The following OSGEPL1 variants were observed in gnomAD, a reference collection of about 807,000 sequenced individuals.
OSGEPL1 encodes O-sialoglycoprotein endopeptidase like 1.
OSGEPL1 carries 26 observed loss-of-function variants against 37.2 expected under a neutral mutation model. That is an observed-to-expected ratio of 0.70 (90% CI 0.51 to 0.97). OSGEPL1 has a LOEUF of 0.97. OSGEPL1 is among the 50% of genes least tolerant of loss of function. The pLI, the probability that OSGEPL1 is intolerant of heterozygous loss-of-function variation, is 0.00. For synonymous variants in OSGEPL1, 140 were observed against 159.9 expected (o/e 0.88, Z 0.94); for missense variants, 404 against 487.0 (o/e 0.83, Z 1.60).
intron 8 of OSGEPL1, among the ~76,000 whole-genome samples, chr2:189,748,477 G>A (rs2044520168): frequency 6.6e-6 from 1 of 152,146 alleles, no homozygotes; most frequent in African/African-American, 2.4e-5. Flanking sequence ...TCCTCCCTTG[G>A]CCTCCCAAAG....
rs1353138625 is a variant in OSGEPL1 at position 189,759,762 on chromosome 2, TA to T, written c.221+1657del. Among the ~76,000 whole-genome samples the T allele has an allele frequency of 3.3e-5, 5 of 152,114 alleles. No individual in the cohort carries two copies. In the East Asian group the frequency reaches 5.8e-4, roughly 18 times the overall value. On this transcript the variant is annotated intron_variant, in intron 2 of 8. Coordinates refer to ENST00000264151, the MANE Select transcript of OSGEPL1 (RefSeq NM_022353.3). ...TTTTATTCTTATTTATTTATTTATT[TA>T]TTTTTTTAGTATTTATTGATCATTC...
intron 2 of OSGEPL1, 37 bp downstream of exon 2, chr2:189,761,383 C>G: frequency 6.4e-7 from 1 of 1,553,268 alleles, no homozygotes; most frequent in Non-Finnish European, 8.7e-7. Context: ...TTACTTTTTC[C>G]AAAAAAGTGG....
chr2:189,750,038 G>T (rs1490663373), intron 8 of OSGEPL1, among the ~76,000 whole-genome samples: 1 of 152,080 alleles, frequency 6.6e-6, no homozygotes, highest in South Asian at 2.1e-4. Context: ...CAGGAGAATC[G>T]CTTGAACCCA....
At chr2:189,754,478 AAT>A in intron 3 of OSGEPL1, 133 bp from the exon 4 acceptor site, 1 of 802,860 alleles carries the variant, frequency 1.2e-6, no homozygotes, top group Non-Finnish European at 1.9e-6. Context: ...TACTTTGGCA[AAT>A]ATAGACTATA....
chr2:189,763,038 TAAAAAG>T, upstream of OSGEPL1: 1 of 985,244 alleles, frequency 1.0e-6, no homozygotes, highest in Non-Finnish European at 1.2e-6. Flanking sequence ...TAAGCTACAT[TAAAAAG>T]AAATTTTTTT....
Position 189,761,661 on chromosome 2 carries a change from C to A in OSGEPL1, c.-20-1G>T. 1 of 1,518,134 alleles carries A rather than the reference C, an allele frequency of 6.6e-7. No individual in the cohort carries two copies. Among genetic ancestry groups the A allele is most frequent in the Non-Finnish European group, 8.8e-7 (1 of 1,137,750 alleles). The allele number at this position is 1,518,134 out of a possible 1,614,324, so 94.0% of individuals were successfully genotyped here. A position where few individuals can be genotyped will look rare whatever the true frequency, so the allele number is the denominator to read the frequency against. ...AGCATACTTACTCTATAGATAATTC[C>A]TGAAAAAGAATTACAGAAACAACTT... On this transcript the variant is annotated splice_acceptor_variant, in intron 1 of 8. Coordinates refer to ENST00000264151, the MANE Select transcript of OSGEPL1 (RefSeq NM_022353.3). LOFTEE classifies it low-confidence loss of function (5UTR_SPLICE).
chr2:189,758,312 C>T (rs1417627269), intron 2 of OSGEPL1, among the ~76,000 whole-genome samples: 2 of 151,896 alleles, frequency 1.3e-5, no homozygotes, highest in African/African-American at 2.4e-5. Flanking sequence ...ACCCGGGAGG[C>T]GGAGGTTGTG....
intron 8 of OSGEPL1, among the ~76,000 whole-genome samples, chr2:189,749,910 T>C (rs957513034): frequency 1.3e-5 from 2 of 152,102 alleles, no homozygotes; most frequent in East Asian, 1.9e-4. Flanking sequence ...TTGCCTGAGC[T>C]CAGGAGTTCA....
upstream of OSGEPL1, chr2:189,762,847 G>GC (rs1290969199): frequency 2.0e-6 from 2 of 985,340 alleles, no homozygotes; most frequent in Non-Finnish European, 2.4e-6. Flanking sequence ...CCGCTAGCGA[G>GC]CGGCATGCTT....
chr2:189,758,284 G>C (rs569089656), intron 2 of OSGEPL1, among the ~76,000 whole-genome samples: 11 of 152,230 alleles, frequency 7.2e-5, no homozygotes, highest in East Asian at 3.9e-4. Context: ...TGAAGGCTGA[G>C]GGGGGAGAAT....
Position 189,752,998 on chromosome 2 carries a change from C to A in OSGEPL1, c.964-19G>T, listed in dbSNP as rs1006660521. On this transcript the variant is annotated intron_variant, in intron 5 of 8. Transcript: ENST00000264151. ...ATGCAACCTGAAGGAATTGAGAAAA[C>A]CAAAATAACTATCATATATGGATAT... is the stretch of plus-strand genomic sequence containing the variant. The A allele has an allele frequency of 1.1e-5, 17 of 1,591,576 alleles. No individual in the cohort carries two copies. Among genetic ancestry groups the A allele is most frequent in the African/African-American group, 1.4e-5 (1 of 73,952 alleles).
intron 2 of OSGEPL1, 128 bp from the exon 3 acceptor site, chr2:189,755,688 G>A (rs541851689): frequency 1.0e-6 from 1 of 989,742 alleles, no homozygotes; most frequent in South Asian, 1.9e-5. Context: ...TTTTCTAATT[G>A]TGTGCCTTCT....
intron 2 of OSGEPL1, among the ~76,000 whole-genome samples, chr2:189,756,530 G>T (rs1279063209): frequency 2.6e-5 from 4 of 152,130 alleles, no homozygotes; most frequent in African/African-American, 9.7e-5. Flanking sequence ...TATTGTTTCA[G>T]GCAATGAGGG....
chr2:189,757,657 A>G (rs2046280860), intron 2 of OSGEPL1, among the ~76,000 whole-genome samples: 1 of 152,232 alleles, frequency 6.6e-6, no homozygotes. Flanking sequence ...AGCCTAGTAA[A>G]TGGCTGAACC....
intron 2 of OSGEPL1, among the ~76,000 whole-genome samples, chr2:189,756,395 C>T (rs769580365): frequency 6.6e-6 from 1 of 152,090 alleles, no homozygotes; most frequent in Non-Finnish European, 1.5e-5. Context: ...GTCTGCAAAA[C>T]GCACTGCTAG....
chr2:189,751,662 C>T (rs1266044042), intron 7 of OSGEPL1, among the ~76,000 whole-genome samples: 1 of 150,600 alleles, frequency 6.6e-6, no homozygotes, highest in Non-Finnish European at 1.5e-5. Context: ...CCAGGCTGGT[C>T]TCGAACTCCT....
At chr2:189,758,363 A>G (rs2046405397) in intron 2 of OSGEPL1, among the ~76,000 whole-genome samples, 1 of 152,002 alleles carries the variant, frequency 6.6e-6, no homozygotes, top group Admixed American at 6.5e-5. Flanking sequence ...TCTGGGCAAC[A>G]AGAGCAAAAC....
Position 189,746,832 on chromosome 2 carries a change from A to C in OSGEPL1, c.*365T>G. 2.1e-6 allele frequency: 1 copy of C among 483,534 alleles called. No individual in the cohort carries two copies. The highest frequency in any genetic ancestry group is 3.6e-5 in the South Asian group (1 of 27,784). The allele number at this position is 483,534 out of a possible 1,614,324, so 30.0% of individuals were successfully genotyped here. A position where few individuals can be genotyped will look rare whatever the true frequency, so the allele number is the denominator to read the frequency against. ...GGTTTCAAAAAATTAGGATTTCTGT[A>C]AACAAAGGCCTGCACTTAAACCTTA... On this transcript the variant is annotated 3_prime_UTR_variant, in exon 9 of 9. Coordinates refer to ENST00000264151, the MANE Select transcript of OSGEPL1 (RefSeq NM_022353.3).
intron 7 of OSGEPL1, among the ~76,000 whole-genome samples, chr2:189,751,906 G>A (rs1445944425): frequency 6.6e-6 from 1 of 151,584 alleles, no homozygotes; most frequent in Non-Finnish European, 1.5e-5. Flanking sequence ...AGCATTTTGG[G>A]AGGCCGAGGT....
Sources: allele counts gnomAD v4.1 joint callset (sites outside exome capture counted in the v4.1 genomes callset), GRCh38; gene constraint gnomAD v4.1.1; transcripts MANE v1.5; gene names NCBI Gene and HGNC (gene_info 2026-07-23, HGNC 2026-07-21).